The following SHANK2 variants were observed in gnomAD, a reference collection of about 807,000 sequenced individuals.
The protein encoded by SHANK2 is SH3 and multiple ankyrin repeat domains protein 2.
A neutral mutation model predicts 133.7 loss-of-function variants in SHANK2; 43 were observed. The observed-to-expected ratio is 0.32, with a 90% CI of 0.25 to 0.41. The LOEUF is 0.41. SHANK2 is among the 10% of genes least tolerant of loss of function. The pLI is 1.00. For synonymous variants in SHANK2, 1,017 were observed against 952.8 expected (o/e 1.07, Z -1.24); for missense variants, 1,994 against 2,235.8 (o/e 0.89, Z 2.18).
intron 2 of SHANK2, among the ~76,000 whole-genome samples, chr11:71,166,001 C>T (rs529090445): frequency 2.0e-5 from 3 of 152,296 alleles, no homozygotes; most frequent in East Asian, 1.9e-4. Context: ...CACAGACAGA[C>T]GAATGTGAGT....
At chr11:71,222,062 C>T (rs1328334495) in intron 2 of SHANK2, among the ~76,000 whole-genome samples, 1 of 152,064 alleles carries the variant, frequency 6.6e-6, no homozygotes, top group Non-Finnish European at 1.5e-5. Flanking sequence ...TCACCCTTCC[C>T]TGCACCAGGA....
intron 6 of SHANK2, among the ~76,000 whole-genome samples, chr11:71,095,360 T>C (rs1309747396): frequency 6.6e-6 from 1 of 152,206 alleles, no homozygotes; most frequent in Non-Finnish European, 1.5e-5. Flanking sequence ...AGGACGTCAG[T>C]GTCTATTACA....
intron 24 of SHANK2, among the ~76,000 whole-genome samples, chr11:70,488,497 G>C (rs143614687): frequency 1.3e-5 from 2 of 152,280 alleles, no homozygotes; most frequent in Non-Finnish European, 2.9e-5. Context: ...ATGTGTCCTC[G>C]AGCTCTCTGG....
intron 9 of SHANK2, among the ~76,000 whole-genome samples, chr11:71,067,768 A>C (rs2135957105): frequency 6.6e-6 from 1 of 152,096 alleles, no homozygotes; most frequent in African/African-American, 2.4e-5. Context: ...CACCATCACC[A>C]TCACTGCCAT....
intron 11 of SHANK2, among the ~76,000 whole-genome samples, chr11:70,862,581 G>GGCTGATGGACTGGACT (rs1449791100): frequency 1.3e-5 from 2 of 151,912 alleles, no homozygotes; most frequent in Admixed American, 6.6e-5. Context: ...GGACTGGACG[G>GGCTGATGGACTGGACT]GCTGATGGAC....
chr11:70,551,199 T>C lies in SHANK2; in HGVS notation c.2062-48268A>G, dbSNP rs1349416705. 2.0e-5 allele frequency among the ~76,000 whole-genome samples: 3 copies of C among 152,168 alleles called. No homozygotes were observed. The East Asian group carries it at 5.8e-4, about 29-fold the overall frequency. On this transcript the variant is annotated intron_variant, in intron 17 of 25. Coordinates refer to ENST00000601538, the MANE Select transcript of SHANK2 (RefSeq NM_012309.5). ...TGAGGGAGAAAACACATACAGAAAC[T>C]TCCCCTGGTGTTGCCTATGATGTGG... is the stretch of plus-strand genomic sequence containing the variant.
intron 17 of SHANK2, among the ~76,000 whole-genome samples, chr11:70,512,747 G>A (rs2059219466): frequency 6.6e-6 from 1 of 152,134 alleles, no homozygotes; most frequent in African/African-American, 2.4e-5. Flanking sequence ...TCCTTTGACT[G>A]ATTCTTTCCT....
intron 2 of SHANK2, among the ~76,000 whole-genome samples, chr11:71,210,017 T>C (rs1954221454): frequency 1.3e-5 from 2 of 151,366 alleles, no homozygotes; most frequent in Admixed American, 1.3e-4. Context: ...TTCACAAGAC[T>C]CATCAGATGC....
chr11:70,602,612 CG>C (rs1248258506), intron 17 of SHANK2, among the ~76,000 whole-genome samples: 3 of 152,202 alleles, frequency 2.0e-5, no homozygotes, highest in Non-Finnish European at 4.4e-5. Flanking sequence ...CTCTTCTTTT[CG>C]GTAATTATAC....
rs1259855515 is a variant in SHANK2, at chr11:70,470,545, AC to A, written c.*2323del. 2 of 152,620 alleles carry A rather than the reference AC, an allele frequency of 1.3e-5. No individual in the cohort carries two copies. Among genetic ancestry groups the A allele is most frequent in the Admixed American group, 6.5e-5 (1 of 15,288 alleles). The allele number at this position is 152,620 out of a possible 1,614,324, so 9.5% of individuals were successfully genotyped here. On this transcript the variant is annotated 3_prime_UTR_variant, in exon 26 of 26. Coordinates refer to ENST00000601538, the MANE Select transcript of SHANK2 (RefSeq NM_012309.5). ...AGTGCCATGCCAAAGGAATGGACTC[AC>A]GGAATTTTGCGGTATCATCAAATGG...
At chr11:70,754,328 C>A (rs577075412) in intron 14 of SHANK2, among the ~76,000 whole-genome samples, 3 of 152,314 alleles carry the variant, frequency 2.0e-5, no homozygotes, top group Non-Finnish European at 2.9e-5. Context: ...AATACACCAA[C>A]ATCCCTCAGG....
Position 70,535,128 on chromosome 11 carries a change from C to G in SHANK2, c.2062-32197G>C, listed in dbSNP as rs1554973938. Among the ~76,000 whole-genome samples, 1 of 152,148 alleles carries G rather than the reference C, an allele frequency of 6.6e-6. No individual in the cohort carries two copies. Among genetic ancestry groups the G allele is most frequent in the African/African-American group, 2.4e-5 (1 of 41,428 alleles). On this transcript the variant is annotated intron_variant, in intron 17 of 25. Transcript: ENST00000601538. The surrounding 1 kb of genome is among the most constrained non-coding windows in gnomAD (Gnocchi z 4.3). ...TGAGGCAGGCACATGAAGTAGTGCT[C>G]ATGACCAGGGATGGTTCCCACGAAC...
chr11:70,472,847 G>A lies in SHANK2; in HGVS notation c.*22C>T. ...TCTCTACTTATAACAAGAGCAGTCT[G>A]CGAGGTGGAGAGCAGCCGTCCTTAT... On this transcript the variant is annotated 3_prime_UTR_variant, in exon 26 of 26. Coordinates refer to ENST00000601538, the MANE Select transcript of SHANK2 (RefSeq NM_012309.5). This position sits in a 1 kb window ranked among gnomAD's most constrained non-coding sequence, Gnocchi z 4.4. 1 of 1,609,528 alleles carries A rather than the reference G, an allele frequency of 6.2e-7. No homozygotes were observed.
chr11:70,732,683 A>C (rs1361283985), intron 14 of SHANK2, among the ~76,000 whole-genome samples: 1 of 152,138 alleles, frequency 6.6e-6, no homozygotes, highest in African/African-American at 2.4e-5. Context: ...GCAGTGCCCC[A>C]GCCCATGCCC....
chr11:70,877,391 C>T (rs560039013), intron 11 of SHANK2, among the ~76,000 whole-genome samples: 2 of 152,330 alleles, frequency 1.3e-5, no homozygotes, highest in South Asian at 2.1e-4. Context: ...TGCCGGCATA[C>T]GTCGCCTGAC....
At chr11:70,684,907 A>G (rs781929471) in intron 15 of SHANK2, among the ~76,000 whole-genome samples, 23 of 152,280 alleles carry the variant, frequency 1.5e-4, no homozygotes, top group Non-Finnish European at 3.1e-4. Context: ...CTCTTGGCTC[A>G]AATGCAAAGG....
chr11:70,527,628 G>A (rs186254471), intron 17 of SHANK2, among the ~76,000 whole-genome samples: 12 of 152,320 alleles, frequency 7.9e-5, no homozygotes, highest in East Asian at 7.7e-4. Flanking sequence ...TGGAGCCCCC[G>A]TGGTGGTGAA....
At chr11:70,767,841 T>C (rs1307474189) in intron 14 of SHANK2, among the ~76,000 whole-genome samples, 1 of 152,172 alleles carries the variant, frequency 6.6e-6, no homozygotes, top group Non-Finnish European at 1.5e-5. Flanking sequence ...TTAATGTCAA[T>C]TTCGCCTGAA....
Position 71,090,263 on chromosome 11 carries a change from C to CTG in SHANK2, c.912+2157_912+2158dup, listed in dbSNP as rs1165771011. 3.7e-3 allele frequency among the ~76,000 whole-genome samples: 135 copies of CTG among 36,816 alleles called. 3 individuals carry two copies. The highest frequency in any genetic ancestry group is 0.034 in the East Asian group (44 of 1,276). The allele number at this position is 36,816 out of a possible 152,430, so 24.2% of individuals were successfully genotyped here. A position where few individuals can be genotyped will look rare whatever the true frequency, so the allele number is the denominator to read the frequency against. Reference sequence around the variant, plus strand: ...AGGGTTCTCCAGAGAAACACAACCTCTGTGTGTGTGTGTGTGTGTGTGTGT... The same window carrying CTG: ...AGGGTTCTCCAGAGAAACACAACCTCTGTGTGTGTGTGTGTGTGTGTGTGTGT... On this transcript the variant is annotated intron_variant, in intron 8 of 25. Coordinates refer to ENST00000601538, the MANE Select transcript of SHANK2 (RefSeq NM_012309.5).
Sources: allele counts gnomAD v4.1 joint callset (sites outside exome capture counted in the v4.1 genomes callset), GRCh38; gene constraint gnomAD v4.1.1; non-coding constraint Gnocchi (gnomAD v3.1); transcripts MANE v1.5; gene names NCBI Gene and HGNC (gene_info 2026-07-23, HGNC 2026-07-21).